The following TPGS2 variants were observed in gnomAD, a reference collection of about 807,000 sequenced individuals.
TPGS2 encodes the protein polyglutamylase subunit 2.
In TPGS2, 26 loss-of-function variants were observed where a neutral mutation model predicts 31.1. The ratio of observed to expected loss-of-function variants is 0.84; its 90% confidence interval spans 0.61 to 1.16. The LOEUF (loss-of-function observed/expected upper bound fraction) is 1.16. TPGS2 is among the 50% of genes most tolerant of loss of function. The pLI, the probability that TPGS2 is intolerant of heterozygous loss-of-function variation, is 0.00. For synonymous variants in TPGS2, 130 were observed against 136.6 expected, an observed-to-expected ratio of 0.95 and a Z score of 0.34; for missense variants, 351 against 363.8, an observed-to-expected ratio of 0.96 and a Z score of 0.29.
chr18:36,810,535 G>A (rs1013231865), intron 2 of TPGS2, among the ~76,000 whole-genome samples: 5 of 152,060 alleles, frequency 3.3e-5, no homozygotes, highest in African/African-American at 1.2e-4. Context: ...GAGGAAGATC[G>A]GCAGAAAGTG....
At chr18:36,780,273 G>A (rs2043973345), downstream of TPGS2, 18 of 1,039,286 alleles carry the variant, frequency 1.7e-5, no homozygotes, top group Non-Finnish European at 2.0e-5. Context: ...CTTGTTACAG[G>A]ACGTGTTAGC....
At chr18:36,797,966 T>A (rs1041582069) in intron 6 of TPGS2, 1 of 172,184 alleles carries the variant, frequency 5.8e-6, no homozygotes, top group African/African-American at 2.4e-5. Context: ...AGATGCAGAA[T>A]CATGTTGACA....
At chr18:36,800,333 G>A (rs758987955) in intron 4 of TPGS2, 22 bp from the exon 5 acceptor site, 4 of 1,607,060 alleles carry the variant, frequency 2.5e-6, no homozygotes, top group South Asian at 2.2e-5. Flanking sequence ...GAAGTTAATG[G>A]TAATGTTCAA....
chr18:36,819,092 A>G (rs748024873), intron 1 of TPGS2, 119 bp from the exon 2 acceptor site: 20 of 778,236 alleles, frequency 2.6e-5, no homozygotes, highest in Non-Finnish European at 3.6e-5. Flanking sequence ...TCTCATGAAC[A>G]CTTATTACCC....
rs3826606 is a variant in TPGS2 at position 36,798,482 on chromosome 18, G to A, written c.624C>T (p.Ala208=). The A allele has an allele frequency of 7.2e-3, 11,674 of 1,614,210 alleles. 202 individuals carry two copies. The highest frequency in any genetic ancestry group is 0.066 in the East Asian group (2,958 of 44,866). Residue 208 remains alanine (A), a synonymous_variant, in exon 6 of 7, where the codon GCC becomes GCT. Coordinates refer to ENST00000334295, the MANE Select transcript of TPGS2 (RefSeq NM_015476.4). ...THLGLPQWQY[A]FTSYGISPQA... ...GTGGGCTAATGCCATAGCTGGTGAA[G>A]GCATATTGCCACTGGGGCAGGCCCA...
chr18:36,787,774 G>T (rs1197809557), intron 6 of TPGS2, among the ~76,000 whole-genome samples: 1 of 152,180 alleles, frequency 6.6e-6, no homozygotes, highest in Non-Finnish European at 1.5e-5. Context: ...CATGCGATTA[G>T]GAATGTTGTG....
At chr18:36,821,442 T>C (rs2045891782) in intron 1 of TPGS2, among the ~76,000 whole-genome samples, 2 of 152,348 alleles carry the variant, frequency 1.3e-5, no homozygotes, top group South Asian at 2.1e-4. Context: ...AAGCAAACTA[T>C]GTTTTGAGAT....
rs773748103 is a variant in TPGS2 at position 36,802,535 on chromosome 18, A to C, written c.383-2224T>G. On this transcript the variant is annotated intron_variant, in intron 4 of 6. Transcript: ENST00000334295. ...TGTCACCGTTTTCAGTTCCTCCCTGAAATTTTAGTTTGGTTTTACCTCCAC... is the reference window on the plus strand; with the variant it reads ...TGTCACCGTTTTCAGTTCCTCCCTGCAATTTTAGTTTGGTTTTACCTCCAC... 1.1e-3 allele frequency among the ~76,000 whole-genome samples: 166 copies of C among 151,728 alleles called. 1 individual carries two copies. Among genetic ancestry groups the C allele is most frequent in the Non-Finnish European group, 2.6e-4 (18 of 67,946 alleles).
intron 4 of TPGS2, among the ~76,000 whole-genome samples, chr18:36,804,193 C>T (rs1047056270): frequency 6.6e-6 from 1 of 152,164 alleles, no homozygotes; most frequent in African/African-American, 2.4e-5. Context: ...ACAGAAGTCA[C>T]TGTTTTTCCA....
At chr18:36,782,802 T>C (rs1029652122), downstream of TPGS2, among the ~76,000 whole-genome samples, 2 of 152,216 alleles carry the variant, frequency 1.3e-5, no homozygotes, top group African/African-American at 4.8e-5. Context: ...GCGGCAGCAA[T>C]TGAGTCCCTC....
rs780132018 is a variant in TPGS2, at chr18:36,783,220, C to T, written c.658-89G>A. ...GGATGTTTCCTGTTGCTTGTTTCCC[C>T]TCTCTTGATGCCACTCATTCTGACA... is the stretch of plus-strand genomic sequence containing the variant. On this transcript the variant is annotated intron_variant, in intron 6 of 6. Coordinates refer to the TPGS2 transcript ENST00000587129. 1.6e-4 allele frequency: 64 copies of T among 391,176 alleles called. 1 individual carries two copies. Among genetic ancestry groups the T allele is most frequent in the South Asian group, 1.5e-3 (11 of 7,162 alleles). The allele number at this position is 391,176 out of a possible 1,614,324, so 24.2% of individuals were successfully genotyped here.
In TPGS2 at chr18:36,798,063, A is replaced by T. The variant is rs1332948753; in HGVS notation, c.657+386T>A. ...GCAATGAGTATCTTGGGAAGGGCGT[A>T]CAGGAAACTCGTAATAGCAGCTGCC... On this transcript the variant is annotated intron_variant, in intron 6 of 6. Coordinates refer to ENST00000334295, the MANE Select transcript of TPGS2 (RefSeq NM_015476.4). The T allele has an allele frequency of 7.6e-6, 6 of 790,206 alleles. No individual in the cohort carries two copies. In the South Asian group the frequency reaches 1.9e-4, roughly 25 times the overall value. The allele number at this position is 790,206 out of a possible 1,614,324, so 48.9% of individuals were successfully genotyped here. A position where few individuals can be genotyped will look rare whatever the true frequency, so the allele number is the denominator to read the frequency against.
chr18:36,796,700 G>C lies in TPGS2; in HGVS notation c.*105C>G. The C allele has an allele frequency of 7.4e-6, 11 of 1,478,058 alleles. No homozygotes were observed. The highest frequency in any genetic ancestry group is 9.8e-6 in the Non-Finnish European group (11 of 1,121,668). The allele number at this position is 1,478,058 out of a possible 1,614,324, so 91.6% of individuals were successfully genotyped here. On this transcript the variant is annotated 3_prime_UTR_variant, in exon 7 of 7. Transcript: ENST00000334295. Reference sequence around the variant, plus strand: ...CCTTACAATTTTGGTCATTCAACTAGAAAGAGGCCTACGGTCCACACGCAA... The same window carrying C: ...CCTTACAATTTTGGTCATTCAACTACAAAGAGGCCTACGGTCCACACGCAA...
At chr18:36,780,358 G>C (rs1023613766), downstream of TPGS2, among the ~76,000 whole-genome samples, 2 of 152,206 alleles carry the variant, frequency 1.3e-5, no homozygotes, top group Non-Finnish European at 2.9e-5. Flanking sequence ...GCAAAAATGA[G>C]AGCAGCAGTT....
At chr18:36,789,470 T>C (rs1030187872), downstream of TPGS2, 1 of 152,234 alleles carries the variant, frequency 6.6e-6, no homozygotes, top group African/African-American at 2.4e-5. Flanking sequence ...TATTTTAGTT[T>C]ATGGCTATGT....
chr18:36,811,603 G>A (rs1432161971), intron 2 of TPGS2, among the ~76,000 whole-genome samples: 2 of 152,106 alleles, frequency 1.3e-5, no homozygotes, highest in Non-Finnish European at 2.9e-5. Flanking sequence ...GGGAATTAGT[G>A]GGGGAAGCCT....
In TPGS2 at chr18:36,796,812, CG is replaced by C; in HGVS notation, c.895del (p.Arg299GlyfsTer24). On this transcript the variant is annotated frameshift_variant, in exon 7 of 7. Coordinates refer to ENST00000334295, the MANE Select transcript of TPGS2 (RefSeq NM_015476.4). LOFTEE classifies it high-confidence loss of function. ...AGTTGGAGGGAGGGGTGCTCACTTCCGGGTGGGGTTTCCAGAGCCAGAGGAG... is the reference window on the plus strand; with the variant it reads ...AGTTGGAGGGAGGGGTGCTCACTTCCGGTGGGGTTTCCAGAGCCAGAGGAG... ...KSSSGSGNPT[R>X]K 2.5e-6 allele frequency: 4 copies of C among 1,594,846 alleles called. No individual in the cohort carries two copies. Among genetic ancestry groups the C allele is most frequent in the Non-Finnish European group, 3.4e-6 (4 of 1,174,654 alleles).
chr18:36,798,369 T>C lies in TPGS2; in HGVS notation c.657+80A>G, dbSNP rs527932886. Reference sequence around the variant, plus strand: ...GATCTCCTGAATCAGATAGGGAAGTTGGGAACCTGCAATGTAACCATTTCC... The same window carrying C: ...GATCTCCTGAATCAGATAGGGAAGTCGGGAACCTGCAATGTAACCATTTCC... On this transcript the variant is annotated intron_variant, in intron 6 of 6. Transcript: ENST00000334295. The C allele has an allele frequency of 2.5e-6, 4 of 1,594,104 alleles. No individual in the cohort carries two copies. In the East Asian group the frequency reaches 9.0e-5, roughly 36 times the overall value.
chr18:36,793,274 C>T (rs148440457), downstream of TPGS2, among the ~76,000 whole-genome samples: 148 of 152,344 alleles, frequency 9.7e-4, 1 homozygote, highest in African/African-American at 3.1e-3. Flanking sequence ...GCCCCATTCA[C>T]ATGTAGCCTT....
Sources: allele counts gnomAD v4.1 joint callset (sites outside exome capture counted in the v4.1 genomes callset), GRCh38; gene constraint gnomAD v4.1.1; transcripts MANE v1.5; gene names NCBI Gene and HGNC (gene_info 2026-07-23, HGNC 2026-07-21).